The following ELMO1 variants were observed in gnomAD, a reference collection of about 807,000 sequenced individuals.
ELMO1 encodes engulfment and cell motility 1, also known as engulfment and cell motility protein 1.
A neutral mutation model predicts 98.9 loss-of-function variants in ELMO1; 26 were observed. The observed-to-expected ratio is 0.26, with a 90% confidence interval of 0.19 to 0.36. The LOEUF (loss-of-function observed/expected upper bound fraction) is 0.36, where lower values mean the gene tolerates loss of function less well. Among genes scored for constraint, ELMO1 ranks in the 10% least tolerant of loss-of-function variants. The pLI is 1.00. For missense variants in ELMO1, 627 were observed against 935.2 expected (o/e 0.67, Z 4.30); for synonymous variants, 346 against 346.0 (o/e 1.00, Z 0.00).
At chr7:37,064,599 A>G (rs973174773) in intron 15 of ELMO1, among the ~76,000 whole-genome samples, 5 of 152,226 alleles carry the variant, frequency 3.3e-5, no homozygotes, top group Non-Finnish European at 7.3e-5. Flanking sequence ...TTTGGCACAC[A>G]ATACGCACTC....
At chr7:37,134,001 C>T (rs1207510609) in intron 13 of ELMO1, among the ~76,000 whole-genome samples, 1 of 152,110 alleles carries the variant, frequency 6.6e-6, no homozygotes, top group East Asian at 1.9e-4. Context: ...AAATGGACAA[C>T]AAGCATATGG....
intron 15 of ELMO1, among the ~76,000 whole-genome samples, chr7:37,053,770 G>A (rs1047869581): frequency 1.3e-5 from 2 of 151,856 alleles, no homozygotes; most frequent in Non-Finnish European, 2.9e-5. Flanking sequence ...TTTCTCCTCG[G>A]GTTATTGATC....
chr7:37,279,622 G>C (rs1369154096), intron 4 of ELMO1, among the ~76,000 whole-genome samples: 1 of 152,232 alleles, frequency 6.6e-6, no homozygotes, highest in Non-Finnish European at 1.5e-5. Context: ...ACCTGGAGCT[G>C]AGCCAATTTA....
At chr7:37,022,237 C>T (rs1331535339) in intron 15 of ELMO1, among the ~76,000 whole-genome samples, 2 of 152,156 alleles carry the variant, frequency 1.3e-5, no homozygotes, top group African/African-American at 4.8e-5. Flanking sequence ...CATAAGAAAA[C>T]TGTTTGATTC....
intron 15 of ELMO1, among the ~76,000 whole-genome samples, chr7:37,066,787 A>G (rs1043857252): frequency 7.9e-5 from 12 of 152,138 alleles, no homozygotes; most frequent in African/African-American, 2.9e-4. Context: ...AAAATAAAAG[A>G]GCTATTGATA....
intron 15 of ELMO1, among the ~76,000 whole-genome samples, chr7:37,080,383 A>G (rs550972839): frequency 6.6e-6 from 1 of 151,960 alleles, no homozygotes; most frequent in Non-Finnish European, 1.5e-5. Context: ...GTAAAAGCCA[A>G]ATTGGTTACA....
intron 15 of ELMO1, among the ~76,000 whole-genome samples, chr7:37,074,521 T>A (rs1009316244): frequency 1.1e-4 from 17 of 152,230 alleles, no homozygotes; most frequent in African/African-American, 4.1e-4. Flanking sequence ...CTAATAACTC[T>A]GTGGCCTGGG....
chr7:37,440,142 C>G (rs958412925), intron 1 of ELMO1, among the ~76,000 whole-genome samples: 2 of 152,076 alleles, frequency 1.3e-5, no homozygotes, highest in African/African-American at 2.4e-5. Flanking sequence ...AGGCACAAGT[C>G]CACTATAAAA....
intron 7 of ELMO1, among the ~76,000 whole-genome samples, chr7:37,238,868 A>G (rs559112683): frequency 1.9e-4 from 29 of 152,232 alleles, no homozygotes; most frequent in African/African-American, 6.7e-4. Flanking sequence ...ATGTTAAACT[A>G]TTTCTGAGAT....
chr7:37,272,026 T>C, intron 4 of ELMO1, 144 bp from the exon 5 acceptor site: 1 of 695,390 alleles, frequency 1.4e-6, no homozygotes, highest in South Asian at 1.9e-5. Context: ...ATAAAGGCTG[T>C]TAACTTTCTA....
At chr7:37,120,774 G>C (rs1426699437) in intron 14 of ELMO1, among the ~76,000 whole-genome samples, 1 of 152,186 alleles carries the variant, frequency 6.6e-6, no homozygotes, top group Non-Finnish European at 1.5e-5. Flanking sequence ...TTAGAAGAGA[G>C]TAGTGGTTCT....
intron 16 of ELMO1, among the ~76,000 whole-genome samples, chr7:36,921,591 G>T (rs184567791): frequency 1.1e-4 from 16 of 152,210 alleles, no homozygotes; most frequent in African/African-American, 3.6e-4. Flanking sequence ...GGTGGAAGAG[G>T]TTCTCTTTCT....
At chr7:36,894,680 C>A (rs1428327691) in intron 17 of ELMO1, among the ~76,000 whole-genome samples, 174 bp downstream of exon 17, 1 of 152,238 alleles carries the variant, frequency 6.6e-6, no homozygotes. Flanking sequence ...CTCAGCCCAG[C>A]CCTTCCTCAA....
At chr7:37,052,653 C>G (rs1440044019) in intron 15 of ELMO1, among the ~76,000 whole-genome samples, 1 of 152,212 alleles carries the variant, frequency 6.6e-6, no homozygotes, top group Non-Finnish European at 1.5e-5. Context: ...AAATCTCAAA[C>G]CTCTTGCATA....
intron 18 of ELMO1, among the ~76,000 whole-genome samples, chr7:36,885,319 AAACAACAACAACAAC>A (rs143571798): frequency 0.022 from 3,295 of 150,358 alleles, 56 homozygotes; most frequent in Non-Finnish European, 0.036. Context: ...AACATTTTTT[AAACAACAACAACAAC>A]AACAACAACA....
chr7:37,134,739 G>A (rs981694458), intron 13 of ELMO1, among the ~76,000 whole-genome samples: 1 of 152,136 alleles, frequency 6.6e-6, no homozygotes, highest in African/African-American at 2.4e-5. Flanking sequence ...CATAAAAAAA[G>A]AATGAAATCA....
intron 6 of ELMO1, among the ~76,000 whole-genome samples, chr7:37,246,360 C>G (rs932405750): frequency 6.6e-6 from 1 of 152,134 alleles, no homozygotes; most frequent in African/African-American, 2.4e-5. Flanking sequence ...CATAGTTTCA[C>G]TGTGTCTCCC....
intron 14 of ELMO1, among the ~76,000 whole-genome samples, chr7:37,103,367 G>C (rs540569414): frequency 7.9e-5 from 12 of 152,092 alleles, no homozygotes; most frequent in Admixed American, 4.6e-4. Context: ...AGTTCTTTTA[G>C]CATCTCTTTA....
intron 14 of ELMO1, among the ~76,000 whole-genome samples, chr7:37,104,010 CAAAAAAAAAAAAAAAAAAAAA>C (rs35979251): frequency 3.4e-5 from 1 of 29,002 alleles, no homozygotes; most frequent in Non-Finnish European, 8.3e-5. Flanking sequence ...GACTCCATCT[CAAAAAAAAAAAAAAAAAAAAA>C]AAAAAAAAAA....
Sources: allele counts gnomAD v4.1 joint callset (sites outside exome capture counted in the v4.1 genomes callset), GRCh38; gene constraint gnomAD v4.1.1; transcripts MANE v1.5; gene names NCBI Gene and HGNC (gene_info 2026-07-23, HGNC 2026-07-21).